Variants in CPED1 observed in about 807,000 individuals in gnomAD.
CPED1 encodes cadherin like and PC-esterase domain containing 1, also known as cadherin-like and PC-esterase domain-containing protein 1.
CPED1 carries 114 observed loss-of-function variants against 128.2 expected under a neutral mutation model. That is an observed-to-expected ratio of 0.89 (90% CI 0.76 to 1.04). The LOEUF (loss-of-function observed/expected upper bound fraction) is 1.04. CPED1 is among the 50% of genes least tolerant of loss of function. The pLI is 0.00. For synonymous variants in CPED1, 462 were observed against 426.7 expected (o/e 1.08, Z -1.02); for missense variants, 1,211 against 1,207.1 (o/e 1.00, Z -0.05).
intron 16 of CPED1, 148 bp from the exon 17 acceptor site, chr7:121,236,566 A>G (rs1798259343): frequency 2.2e-6 from 1 of 453,732 alleles, no homozygotes; most frequent in South Asian, 5.3e-5. Context: ...ACAAACAACT[A>G]TTGATAAGCT....
At chr7:121,033,466 A>G (rs1293574575) in intron 3 of CPED1, among the ~76,000 whole-genome samples, 2 of 152,220 alleles carry the variant, frequency 1.3e-5, no homozygotes, top group Non-Finnish European at 2.9e-5. Flanking sequence ...AAACACTTAT[A>G]TAAAGCTATC....
intron 16 of CPED1, among the ~76,000 whole-genome samples, chr7:121,225,302 C>T (rs1201464018): frequency 6.6e-6 from 1 of 152,080 alleles, no homozygotes; most frequent in Non-Finnish European, 1.5e-5. Flanking sequence ...AATATTGGCC[C>T]CCACTCTCTT....
At position 121,271,385 on chromosome 7, in the gene CPED1, T is replaced by A; in HGVS notation, c.2823T>A (p.Arg941=). The A allele has an allele frequency of 6.2e-7, 1 of 1,612,926 alleles. No homozygotes were observed. Residue 941 remains arginine, a synonymous_variant, in exon 22 of 23, where the codon CGT becomes CGA. Transcript: ENST00000310396. The stretch of plus-strand genomic sequence containing the variant: ...ACACATTCACTATAACAATGGGGCG[T>A]TACAAAGAGTTTCTACAGGGGAAGT... ...VVDTFTITMG[R]YKEFLQGKCG... is the part of the protein sequence containing the mutation.
chr7:121,119,389 A>C (rs1440518307), intron 7 of CPED1, among the ~76,000 whole-genome samples: 2 of 149,822 alleles, frequency 1.3e-5, no homozygotes, highest in African/African-American at 2.5e-5. Context: ...CTAATCTCCA[A>C]CTCCTGACCT....
intron 7 of CPED1, among the ~76,000 whole-genome samples, chr7:121,116,765 C>A (rs957253205): frequency 6.6e-6 from 1 of 151,818 alleles, no homozygotes; most frequent in African/African-American, 2.4e-5. Context: ...TAACCTTAGG[C>A]GTGTACCTTG....
intron 16 of CPED1, among the ~76,000 whole-genome samples, chr7:121,161,219 A>G (rs1243070752): frequency 6.6e-6 from 1 of 152,176 alleles, no homozygotes; most frequent in Admixed American, 6.6e-5. Context: ...AGTGTTGGCC[A>G]GGCTGAATTC....
chr7:121,079,276 C>T (rs1794219784), intron 5 of CPED1, among the ~76,000 whole-genome samples: 1 of 151,912 alleles, frequency 6.6e-6, no homozygotes. Flanking sequence ...AGAACAGATC[C>T]CCAAAGAAGA....
intron 18 of CPED1, among the ~76,000 whole-genome samples, chr7:121,248,712 A>G (rs948784499): frequency 6.6e-6 from 1 of 152,222 alleles, no homozygotes; most frequent in East Asian, 1.9e-4. Flanking sequence ...CCACATTTAA[A>G]GGAACACTAA....
intron 18 of CPED1, among the ~76,000 whole-genome samples, chr7:121,265,447 A>C (rs1792103722): frequency 6.6e-6 from 1 of 152,122 alleles, no homozygotes; most frequent in Admixed American, 6.6e-5. Context: ...TAAAAACAGT[A>C]TATGTGAGAG....
At chr7:121,033,382 T>C (rs1054352434) in intron 3 of CPED1, among the ~76,000 whole-genome samples, 1 of 152,212 alleles carries the variant, frequency 6.6e-6, no homozygotes, top group African/African-American at 2.4e-5. Flanking sequence ...ATTTTGTTAC[T>C]TGAAAGTTCA....
chr7:121,059,107 G>A (rs772261367), intron 4 of CPED1, among the ~76,000 whole-genome samples: 7 of 152,176 alleles, frequency 4.6e-5, no homozygotes, highest in Non-Finnish European at 1.0e-4. Flanking sequence ...ACTAAGTTTA[G>A]TAATTGGGGC....
At position 121,236,893 on chromosome 7, in the gene CPED1, T is replaced by C. The variant is rs1025271611; in HGVS notation, c.2173+62T>C. The C allele has an allele frequency of 8.6e-6, 7 of 815,522 alleles. No individual in the cohort carries two copies. In the African/African-American group the frequency reaches 1.2e-4, roughly 14 times the overall value. The allele number at this position is 815,522 out of a possible 1,614,324, so 50.5% of individuals were successfully genotyped here. The stretch of plus-strand genomic sequence containing the variant: ...GAATAATTTGGTATAGATAAGTGTA[T>C]GCTTATTTAAACTATCCTTTTATAA... On this transcript the variant is annotated intron_variant, in intron 17 of 22. Coordinates refer to ENST00000310396, the MANE Select transcript of CPED1 (RefSeq NM_024913.5).
rs77566217 is a variant in CPED1 at position 121,035,151 on chromosome 7, G to A, written c.434-11736G>A. 4.4e-4 allele frequency among the ~76,000 whole-genome samples: 67 copies of A among 152,232 alleles called. 1 individual carries two copies. The East Asian group carries it at 0.011, about 25-fold the overall frequency. On this transcript the variant is annotated intron_variant, in intron 3 of 22. Coordinates refer to ENST00000310396, the MANE Select transcript of CPED1 (RefSeq NM_024913.5). The stretch of plus-strand genomic sequence containing the variant: ...ACAGGAGTGTTTGTGGTAGGGAGGG[G>A]CTACTTCTGGGGAAAGGAGACTAGA...
intron 22 of CPED1, among the ~76,000 whole-genome samples, chr7:121,276,280 C>T (rs1042366062): frequency 6.6e-6 from 1 of 152,086 alleles, no homozygotes; most frequent in Admixed American, 6.6e-5. Flanking sequence ...CTAGAGCTAT[C>T]TTCGACTTTT....
chr7:121,243,752 G>A (rs973641324), intron 17 of CPED1, among the ~76,000 whole-genome samples: 2 of 152,178 alleles, frequency 1.3e-5, no homozygotes, highest in Admixed American at 1.3e-4. Context: ...TAGTTCTCTT[G>A]TATCTTAAAT....
At position 121,244,345 on chromosome 7, in the gene CPED1, T is replaced by G. The variant is rs1324950623; in HGVS notation, c.2310+7T>G. 1.2e-6 allele frequency: 2 copies of G among 1,613,886 alleles called. No homozygotes were observed. The highest frequency in any genetic ancestry group is 1.7e-6 in the Non-Finnish European group (2 of 1,179,956). On this transcript the variant is annotated splice_region_variant and intron_variant, in intron 18 of 22. Transcript: ENST00000310396. ...GTGCCTGGGAGGAAGGAAGGTAGGT[T>G]CTGGATCTAGTGGGGGAAGCCTTTA...
chr7:121,190,413 AC>A (rs1797109405), intron 16 of CPED1, among the ~76,000 whole-genome samples: 4 of 149,502 alleles, frequency 2.7e-5, no homozygotes, highest in Non-Finnish European at 5.9e-5. Context: ...AAAAAAAAAG[AC>A]TAGATTTTAT....
chr7:121,085,961 C>G (rs1469889943), intron 5 of CPED1, among the ~76,000 whole-genome samples: 1 of 152,092 alleles, frequency 6.6e-6, no homozygotes, highest in South Asian at 2.1e-4. Context: ...CATATAAAGC[C>G]GTAACTATTT....
intron 16 of CPED1, among the ~76,000 whole-genome samples, chr7:121,202,134 C>T (rs1016101785): frequency 2.6e-5 from 4 of 152,136 alleles, no homozygotes; most frequent in African/African-American, 4.8e-5. Context: ...CAGAACATTA[C>T]CTCTGACCTG....
Sources: gnomAD v4.1 joint callset for allele counts (sites outside exome capture counted in the v4.1 genomes callset) on GRCh38, gnomAD v4.1.1 for gene constraint, MANE v1.5 for transcripts, NCBI Gene and HGNC (gene_info 2026-07-23, HGNC 2026-07-21) for gene names.